Variants in LIG1 observed in about 807,000 individuals in gnomAD.
The protein encoded by LIG1 is ligase I, DNA, ATP-dependent.
A neutral mutation model predicts 115.7 loss-of-function variants in LIG1; 70 were observed. The ratio of observed to expected loss-of-function variants is 0.60; its 90% confidence interval spans 0.50 to 0.74. The LOEUF is 0.74. Among genes scored for constraint, LIG1 ranks in the 30% least tolerant of loss-of-function variants. LIG1 has a pLI of 0.00. For missense variants in LIG1, 1,115 were observed against 1,225.6 expected (o/e 0.91, Z 1.35); for synonymous variants, 487 against 495.3 (o/e 0.98, Z 0.22).
intron 18 of LIG1, among the ~76,000 whole-genome samples, chr19:48,131,933 CCTTT>C (rs1282415802): frequency 1.5e-5 from 2 of 137,470 alleles, no homozygotes; most frequent in African/African-American, 5.8e-5. Flanking sequence ...TTGGATCCAC[CCTTT>C]TTTTTTTTTT....
chr19:48,137,418 G>T lies in LIG1; in HGVS notation c.1254+104C>A. On this transcript the variant is annotated intron_variant, in intron 13 of 27. Coordinates refer to ENST00000263274, the MANE Select transcript of LIG1 (RefSeq NM_000234.3). The surrounding 1 kb of genome is among the most constrained non-coding windows in gnomAD (Gnocchi z 4.3). Reference sequence around the variant, plus strand: ...AGCTGTGCACCCCATGAGAAGGACTGATGCGACCCAGCTGATGGTCTACCC... The same window carrying T: ...AGCTGTGCACCCCATGAGAAGGACTTATGCGACCCAGCTGATGGTCTACCC... The T allele has an allele frequency of 7.0e-7, 1 of 1,430,330 alleles. No individual in the cohort carries two copies. Among genetic ancestry groups the T allele is most frequent in the Non-Finnish European group, 9.6e-7 (1 of 1,045,954 alleles). The allele number at this position is 1,430,330 out of a possible 1,614,324, so 88.6% of individuals were successfully genotyped here. A position where few individuals can be genotyped will look rare whatever the true frequency, so the allele number is the denominator to read the frequency against.
chr19:48,127,387 G>A lies in LIG1; in HGVS notation c.1933-39C>T, dbSNP rs1278493160. ...CAACGGAGTTCGTGAGTGCAGGAAG[G>A]TGAGACGGGGCACTGTGCCTGAGGC... On this transcript the variant is annotated intron_variant, in intron 20 of 27. Transcript: ENST00000263274. 1.9e-6 allele frequency: 3 copies of A among 1,563,010 alleles called. No individual in the cohort carries two copies. In the Admixed American group the frequency reaches 5.0e-5, roughly 26 times the overall value.
rs2034505245 is a variant in LIG1, at chr19:48,137,947, G to A, written c.1088-259C>T. On this transcript the variant is annotated intron_variant, in intron 12 of 27. Transcript: ENST00000263274. The surrounding 1 kb of genome is among the most constrained non-coding windows in gnomAD (Gnocchi z 4.3). Reference sequence around the variant, plus strand: ...TGAACGAGCATGACCACACTCAGGGGAGACATCTGGGCCGGTGTCATCAGG... The same window carrying A: ...TGAACGAGCATGACCACACTCAGGGAAGACATCTGGGCCGGTGTCATCAGG... 1.7e-6 allele frequency: 1 copy of A among 577,304 alleles called. No individual in the cohort carries two copies. Among genetic ancestry groups the A allele is most frequent in the Non-Finnish European group, 3.1e-6 (1 of 318,272 alleles). 35.8% of individuals were successfully genotyped at this position (577,304 alleles called of 1,614,324 possible).
At chr19:48,120,445 C>T (rs3731032) in intron 24 of LIG1, 76 of 985,016 alleles carry the variant, frequency 7.7e-5, no homozygotes, top group Non-Finnish European at 8.9e-5. Context: ...CTGGGTGGTA[C>T]GATTCTAGGT....
intron 9 of LIG1, among the ~76,000 whole-genome samples, chr19:48,144,596 G>A (rs575058657): frequency 6.6e-6 from 1 of 151,914 alleles, no homozygotes; most frequent in African/African-American, 2.4e-5. Context: ...CTGCCTCCTG[G>A]CTTCAAGTGA....
intron 5 of LIG1, among the ~76,000 whole-genome samples, chr19:48,155,181 C>T (rs2035758044): frequency 6.6e-6 from 1 of 152,128 alleles, no homozygotes; most frequent in Non-Finnish European, 1.5e-5. Context: ...AGGGATGAAC[C>T]TGCCTCCCCA....
At chr19:48,138,413 G>A (rs965567277) in intron 12 of LIG1, among the ~76,000 whole-genome samples, 23 of 152,190 alleles carry the variant, frequency 1.5e-4, no homozygotes, top group African/African-American at 4.8e-4. Flanking sequence ...CGTAATGAAC[G>A]AACAAGTGCG....
At chr19:48,115,812 C>T (rs1467467749) in intron 27 of LIG1, 61 bp downstream of exon 27, 30 of 1,580,278 alleles carry the variant, frequency 1.9e-5, no homozygotes, top group South Asian at 1.3e-4. Flanking sequence ...GAGGCCACCA[C>T]GCTAAAAAGC....
At chr19:48,136,437 G>A (rs3730974) in intron 14 of LIG1, among the ~76,000 whole-genome samples, 45,906 of 152,078 alleles carry the variant, frequency 0.3, 7,975 homozygotes, top group East Asian at 0.55. Flanking sequence ...GGAGAGAACT[G>A]AGCCTGGCGC....
At chr19:48,121,089 T>C in intron 24 of LIG1, 81 bp downstream of exon 24, 1 of 1,610,888 alleles carries the variant, frequency 6.2e-7, no homozygotes, top group South Asian at 1.1e-5. Flanking sequence ...CCCCTCGGTC[T>C]GGGTTGTGCA....
rs887371706 is a variant in LIG1, at chr19:48,134,047, G to A, written c.1543C>T (p.Arg515Ter). 6.4e-6 allele frequency: 10 copies of A among 1,556,744 alleles called. No individual in the cohort carries two copies. The highest frequency in any genetic ancestry group is 1.2e-5 in the South Asian group (1 of 84,458). The change falls in exon 17 of 28, where the codon CGA becomes TGA. Residue 515 changes from arginine to a stop codon, truncating the protein, a stop_gained. Transcript: ENST00000263274. LOFTEE classifies it high-confidence loss of function. ...QTFCEVPDLD[R>*]IIPVLLEHGL... Reference sequence around the variant, plus strand: ...TGCTCCAGCAGCACGGGGATAATTCGGTCCAGGTCGGGAACCTCGCTGGGG... The same window carrying A: ...TGCTCCAGCAGCACGGGGATAATTCAGTCCAGGTCGGGAACCTCGCTGGGG...
intron 9 of LIG1, among the ~76,000 whole-genome samples, chr19:48,144,647 G>A (rs898862525): frequency 6.6e-6 from 1 of 152,040 alleles, no homozygotes; most frequent in Non-Finnish European, 1.5e-5. Context: ...GATTACAGGC[G>A]TACACGACCA....
intron 5 of LIG1, among the ~76,000 whole-genome samples, chr19:48,155,835 C>T (rs964799378): frequency 6.6e-6 from 1 of 152,130 alleles, no homozygotes; most frequent in African/African-American, 2.4e-5. Flanking sequence ...TATTCACATA[C>T]CAAAGCTGTT....
Position 48,123,011 on chromosome 19 carries a change from A to G in LIG1, c.2155T>C (p.Cys719Arg). Residue 719 changes from cysteine (C) to arginine (R), a missense_variant, in exon 23 of 28, where the codon TGC (cysteine) becomes CGC (arginine). Transcript: ENST00000263274. ...AGGGTCTTCACCATCAGCCCCTCGC[A>G]GGAGTCTGAGGGAGACACAGAAGCG... ...EFLEQSVKDS[C>R]EGLMVKTLDV... The G allele has an allele frequency of 6.2e-7, 1 of 1,613,850 alleles. No individual in the cohort carries two copies. The highest frequency in any genetic ancestry group is 8.5e-7 in the Non-Finnish European group (1 of 1,179,912).
Position 48,134,528 on chromosome 19 carries a change from C to T in LIG1, c.1524-462G>A, listed in dbSNP as rs1337982954. ...TAAAAGTTAGCTGGGGGTGGTGGCA[C>T]GCGCCTGTAGTCCCAGCTACTCAGG... On this transcript the variant is annotated intron_variant, in intron 16 of 27. Coordinates refer to ENST00000263274, the MANE Select transcript of LIG1 (RefSeq NM_000234.3). Among the ~76,000 whole-genome samples the T allele has an allele frequency of 4.6e-5, 7 of 152,118 alleles. No homozygotes were observed. In the East Asian group the frequency reaches 7.7e-4, roughly 17 times the overall value.
chr19:48,153,192 CAAAA>C (rs776965171), intron 6 of LIG1, among the ~76,000 whole-genome samples: 9 of 64,412 alleles, frequency 1.4e-4, no homozygotes, highest in African/African-American at 3.5e-4. Flanking sequence ...GAGACTGTCT[CAAAA>C]AAAAAAAAAA....
chr19:48,151,408 G>C (rs551558161), intron 6 of LIG1, 69 bp from the exon 7 acceptor site: 1 of 944,316 alleles, frequency 1.1e-6, no homozygotes, highest in South Asian at 1.3e-5. Context: ...TTTGACTCTG[G>C]AGACAGTCTG....
chr19:48,160,934 G>A (rs931700784), intron 4 of LIG1, among the ~76,000 whole-genome samples: 3 of 151,906 alleles, frequency 2.0e-5, no homozygotes, highest in Non-Finnish European at 4.4e-5. Flanking sequence ...ATGGGGTCTC[G>A]CTATGTTGCC....
In LIG1 at chr19:48,163,692, C is replaced by T. The variant is rs1196668157; in HGVS notation, c.18-1341G>A. ...GGCATGGTGGCTCACACCTGTAATC[C>T]CAACACTTTGGGAGGCCGAGGTGGG... On this transcript the variant is annotated intron_variant, in intron 2 of 27. Coordinates refer to ENST00000263274, the MANE Select transcript of LIG1 (RefSeq NM_000234.3). 2.0e-5 allele frequency among the ~76,000 whole-genome samples: 3 copies of T among 151,902 alleles called. No homozygotes were observed. The East Asian group carries it at 5.8e-4, about 30-fold the overall frequency.
Sources: gnomAD v4.1 joint callset for allele counts (sites outside exome capture counted in the v4.1 genomes callset) on GRCh38, gnomAD v4.1.1 for gene constraint, Gnocchi (gnomAD v3.1) non-coding constraint, MANE v1.5 for transcripts, NCBI Gene and HGNC (gene_info 2026-07-23, HGNC 2026-07-21) for gene names.